Variants in DLD observed in about 807,000 individuals in gnomAD.
DLD encodes dihydrolipoyl dehydrogenase, mitochondrial.
Under a neutral mutation model 62.2 loss-of-function variants are expected in DLD, and 36 were observed. The observed-to-expected ratio is 0.58, with a 90% confidence interval of 0.44 to 0.76. The LOEUF is 0.76. Ranked by LOEUF, DLD falls within the 30% of genes least tolerant of loss-of-function variation. The probability of loss-of-function intolerance (pLI) is 0.00; values close to 1 mark genes in which losing one functional copy is unlikely to be tolerated. For missense variants in DLD, 541 were observed against 608.6 expected, an observed-to-expected ratio of 0.89 and a Z score of 1.17; for synonymous variants, 204 against 199.6, an observed-to-expected ratio of 1.02 and a Z score of -0.19.
chr7:107,900,386 AT>A (rs2031848876), intron 2 of DLD, among the ~76,000 whole-genome samples: 1 of 152,144 alleles, frequency 6.6e-6, no homozygotes, highest in South Asian at 2.1e-4. Flanking sequence ...TAGAATACTT[AT>A]TATGTATGCT....
intron 9 of DLD, 27 bp downstream of exon 9, chr7:107,915,723 G>A (rs371725934): frequency 1.3e-6 from 2 of 1,599,616 alleles, no homozygotes; most frequent in Non-Finnish European, 1.7e-6. Context: ...TGTTTTTGAT[G>A]TATCATCCCT....
chr7:107,899,895 T>C (rs1198638681), intron 2 of DLD, among the ~76,000 whole-genome samples: 1 of 152,046 alleles, frequency 6.6e-6, no homozygotes, highest in Non-Finnish European at 1.5e-5. Context: ...ACCTGTTTTG[T>C]AGCTTGTATT....
At chr7:107,910,761 G>C (rs2032120381) in intron 8 of DLD, among the ~76,000 whole-genome samples, 1 of 152,180 alleles carries the variant, frequency 6.6e-6, no homozygotes, top group African/African-American at 2.4e-5. Context: ...CTGGCATTTA[G>C]TAAGCTCTAA....
intron 8 of DLD, among the ~76,000 whole-genome samples, chr7:107,913,888 G>A (rs537432867): frequency 1.3e-5 from 2 of 152,070 alleles, no homozygotes; most frequent in South Asian, 2.1e-4. Flanking sequence ...ATTTTGAGGT[G>A]TGTCCCTCCT....
rs567556288 is a variant in DLD, at chr7:107,891,487, G to A, written c.39+198G>A. The A allele has an allele frequency of 6.1e-6, 4 of 652,942 alleles. No individual in the cohort carries two copies. In the East Asian group the frequency reaches 1.1e-4, roughly 18 times the overall value. The allele number at this position is 652,942 out of a possible 1,614,324, so 40.4% of individuals were successfully genotyped here. ...GCTCATCCTGCAGCAGGCGAGGGAC[G>A]GGGCTGGGCCCAGGCTGTGGCGAGT... On this transcript the variant is annotated intron_variant, in intron 1 of 13. Coordinates refer to ENST00000205402, the MANE Select transcript of DLD (RefSeq NM_000108.5).
intron 8 of DLD, among the ~76,000 whole-genome samples, chr7:107,907,913 T>G (rs2032046111): frequency 6.6e-6 from 1 of 152,240 alleles, no homozygotes; most frequent in Non-Finnish European, 1.5e-5. Flanking sequence ...CTATGGCTTG[T>G]GCCAATAAAT....
At chr7:107,900,186 G>A (rs2116198962) in intron 2 of DLD, among the ~76,000 whole-genome samples, 1 of 151,918 alleles carries the variant, frequency 6.6e-6, no homozygotes, top group African/African-American at 2.4e-5. Flanking sequence ...TCAACAGGAG[G>A]GATTCTTAGA....
chr7:107,906,631 A>C (rs1424762447), intron 8 of DLD, among the ~76,000 whole-genome samples: 1 of 152,160 alleles, frequency 6.6e-6, no homozygotes, highest in Non-Finnish European at 1.5e-5. Context: ...ATTCTTTTTT[A>C]ATATGACAGC....
chr7:107,893,300 T>C, intron 2 of DLD, 22 bp downstream of exon 2: 1 of 1,586,148 alleles, frequency 6.3e-7, no homozygotes. Context: ...AGTAAAACAT[T>C]TTTTTCATCA....
intron 8 of DLD, among the ~76,000 whole-genome samples, chr7:107,912,800 T>G (rs1479995863): frequency 6.6e-6 from 1 of 152,180 alleles, no homozygotes; most frequent in Non-Finnish European, 1.5e-5. Context: ...TTTTTTAACT[T>G]AATGTAATCC....
chr7:107,898,444 C>A (rs1562911789), intron 2 of DLD, among the ~76,000 whole-genome samples: 2 of 150,932 alleles, frequency 1.3e-5, no homozygotes, highest in African/African-American at 4.9e-5. Context: ...CCACGCCTGG[C>A]AATATTTTGT....
In DLD at chr7:107,904,983, C is replaced by G; in HGVS notation, c.363C>G (p.Asp121Glu). 6.2e-7 allele frequency: 1 copy of G among 1,613,006 alleles called. No homozygotes were observed. The highest frequency in any genetic ancestry group is 8.5e-7 in the Non-Finnish European group (1 of 1,179,416). ...TGTCCGAAGTTCGCTTGAATTTAGA[C>G]AAGATGATGGAGCAGAAGAGTACTG... ...IEMSEVRLNLDKMMEQKSTAV... is the reference protein window; with the variant it reads ...IEMSEVRLNLEKMMEQKSTAV... The change falls in exon 6 of 14, where the codon GAC becomes GAG. Residue 121 changes from aspartate (D) to glutamate (E), a missense_variant. Physicochemically the swap from Asp to Glu is conservative, Grantham distance 45 (BLOSUM62 2). Transcript: ENST00000205402.
Position 107,919,004 on chromosome 7 carries a change from T to G in DLD, c.1375-6T>G. On this transcript the variant is annotated splice_polypyrimidine_tract_variant and splice_region_variant and intron_variant, in intron 12 of 13. Coordinates refer to ENST00000205402, the MANE Select transcript of DLD (RefSeq NM_000108.5). ...AAGCAAATTTACTTGGCTTGTTATTTTAAAGGGTGCTGGAGAAATGGTAAA... is the reference window on the plus strand; with the variant it reads ...AAGCAAATTTACTTGGCTTGTTATTGTAAAGGGTGCTGGAGAAATGGTAAA... 6.2e-7 allele frequency: 1 copy of G among 1,613,604 alleles called. No homozygotes were observed. Among genetic ancestry groups the G allele is most frequent in the Non-Finnish European group, 8.5e-7 (1 of 1,179,590 alleles).
chr7:107,898,929 G>A lies in DLD; in HGVS notation c.119-2809G>A, dbSNP rs1168575679. On this transcript the variant is annotated intron_variant, in intron 2 of 13. Transcript: ENST00000205402. ...AACCTGTGAAATTATTCTTGACAAGGAGAGGGTGAGTCAGAATCATGTGTT... is the reference window on the plus strand; with the variant it reads ...AACCTGTGAAATTATTCTTGACAAGAAGAGGGTGAGTCAGAATCATGTGTT... 2.6e-5 allele frequency among the ~76,000 whole-genome samples: 4 copies of A among 152,140 alleles called. No individual in the cohort carries two copies. The South Asian group carries it at 8.3e-4, about 32-fold the overall frequency.
At chr7:107,916,053 TA>T in intron 9 of DLD, among the ~76,000 whole-genome samples, 1 of 152,330 alleles carries the variant, frequency 6.6e-6, no homozygotes, top group Non-Finnish European at 1.5e-5. Context: ...TTAAATACTT[TA>T]ATGGCATTTA....
chr7:107,910,536 C>G (rs2032114947), intron 8 of DLD, among the ~76,000 whole-genome samples: 1 of 151,960 alleles, frequency 6.6e-6, no homozygotes, highest in Admixed American at 6.6e-5. Context: ...TATATTTTGC[C>G]TTTCTTCCAT....
chr7:107,892,750 G>A (rs1042573344), intron 1 of DLD, among the ~76,000 whole-genome samples: 3 of 152,076 alleles, frequency 2.0e-5, no homozygotes, highest in Non-Finnish European at 4.4e-5. Flanking sequence ...GCTTCACTAT[G>A]TTGGCCAGGC....
chr7:107,919,777 A>C lies in DLD; in HGVS notation c.*518A>C, dbSNP rs2032364877. On this transcript the variant is annotated 3_prime_UTR_variant, in exon 14 of 14. Transcript: ENST00000205402. ...CTCACTTGTTTTATTTAACCTCTAA[A>C]TTCTTTCATTTTAGGGGTAGCATTT... 6.5e-6 allele frequency: 1 copy of C among 154,518 alleles called. No individual in the cohort carries two copies. Among genetic ancestry groups the C allele is most frequent in the Non-Finnish European group, 1.4e-5 (1 of 69,594 alleles). The allele number at this position is 154,518 out of a possible 1,614,324, so 9.6% of individuals were successfully genotyped here.
Position 107,920,104 on chromosome 7 carries a change from G to A in DLD, c.*845G>A, listed in dbSNP as rs750426584. The A allele has an allele frequency of 2.3e-4, 35 of 152,196 alleles. No homozygotes were observed. Among genetic ancestry groups the A allele is most frequent in the Non-Finnish European group, 3.8e-4 (26 of 67,974 alleles). 9.4% of individuals were successfully genotyped at this position (152,196 alleles called of 1,614,324 possible). ...TAGGACAATATTAAGGCATTTTAAA[G>A]GTCATCATCCTTTCATCTATTTTAG... is the stretch of plus-strand genomic sequence containing the variant. On this transcript the variant is annotated 3_prime_UTR_variant, in exon 14 of 14. Coordinates refer to ENST00000205402, the MANE Select transcript of DLD (RefSeq NM_000108.5).
Sources: allele counts gnomAD v4.1 joint callset (sites outside exome capture counted in the v4.1 genomes callset), GRCh38; gene constraint gnomAD v4.1.1; transcripts MANE v1.5; gene names NCBI Gene and HGNC (gene_info 2026-07-23, HGNC 2026-07-21).